CYREN: variants seen among roughly 807,000 people sequenced by gnomAD.
The protein encoded by CYREN is cell cycle regulator of non-homologous end joining.
A neutral mutation model predicts 9.7 loss-of-function variants in CYREN; 7 were observed. That is an observed-to-expected ratio of 0.72 (90% CI 0.41 to 1.36). The LOEUF (loss-of-function observed/expected upper bound fraction) is 1.36. CYREN is among the 40% of genes most tolerant of loss of function. The pLI is 0.01. For synonymous variants in CYREN, 76 were observed against 77.9 expected (o/e 0.98, Z 0.13); for missense variants, 215 against 198.1 (o/e 1.09, Z -0.51).
At chr7:135,134,693 G>A (rs967676613) in intron 2 of CYREN, 1 of 720,702 alleles carries the variant, frequency 1.4e-6, no homozygotes, top group Admixed American at 3.1e-5. Flanking sequence ...CAGAGATGAA[G>A]ACTTCTAAAT....
intron 2 of CYREN, among the ~76,000 whole-genome samples, chr7:135,155,952 C>A (rs1829781683): frequency 6.6e-6 from 1 of 152,118 alleles, no homozygotes; most frequent in Admixed American, 6.5e-5. Context: ...TCAGCATTTG[C>A]TTGTATGGGA....
At chr7:135,102,587 A>G (rs915409877) in intron 2 of CYREN, among the ~76,000 whole-genome samples, 4 of 133,218 alleles carry the variant, frequency 3.0e-5, no homozygotes, top group Non-Finnish European at 6.6e-5. Flanking sequence ...CACCAAGAGT[A>G]CTTTCAGTAT....
At chr7:135,132,150 A>C (rs1484153293) in intron 2 of CYREN, among the ~76,000 whole-genome samples, 2 of 152,216 alleles carry the variant, frequency 1.3e-5, no homozygotes, top group East Asian at 3.8e-4. Flanking sequence ...AGGAGTTCTC[A>C]GTTCATTTTA....
chr7:135,100,921 C>T (rs181987440), intron 2 of CYREN, among the ~76,000 whole-genome samples: 19 of 152,140 alleles, frequency 1.2e-4, no homozygotes, highest in Non-Finnish European at 1.9e-4. Context: ...GGCCATCCTG[C>T]CTACATCATG....
At chr7:135,164,613 G>A, downstream of CYREN, 1 of 1,614,220 alleles carries the variant, frequency 6.2e-7, no homozygotes, top group South Asian at 1.1e-5. Context: ...GTGGAATGAG[G>A]ACACCAGCAC....
At chr7:135,119,717 A>T (rs1290529671) in intron 2 of CYREN, among the ~76,000 whole-genome samples, 1 of 152,090 alleles carries the variant, frequency 6.6e-6, no homozygotes, top group East Asian at 1.9e-4. Flanking sequence ...CTCTACTAAA[A>T]ATACAAAAAA....
intron 2 of CYREN, among the ~76,000 whole-genome samples, chr7:135,144,298 C>T (rs534402294): frequency 6.6e-6 from 1 of 152,166 alleles, no homozygotes. Context: ...CTAGAAGATG[C>T]AAGCCACTGT....
chr7:135,156,201 AT>A (rs1829788941), intron 2 of CYREN, among the ~76,000 whole-genome samples: 1 of 152,194 alleles, frequency 6.6e-6, no homozygotes, highest in Non-Finnish European at 1.5e-5. Flanking sequence ...GACTTCAGAC[AT>A]TTTGAATATG....
chr7:135,099,189 C>CTT (rs1823382481), intron 2 of CYREN, among the ~76,000 whole-genome samples: 2 of 40,544 alleles, frequency 4.9e-5, no homozygotes, highest in Admixed American at 5.4e-4. Flanking sequence ...CCTAGATTGG[C>CTT]TCTAAAAATG....
At chr7:135,128,120 C>T (rs1207334689) in intron 2 of CYREN, among the ~76,000 whole-genome samples, 1 of 151,512 alleles carries the variant, frequency 6.6e-6, no homozygotes, top group East Asian at 1.9e-4. Flanking sequence ...GGTGAAACCC[C>T]GTCTCTACTA....
At chr7:135,153,887 A>AT (rs967461813) in intron 2 of CYREN, among the ~76,000 whole-genome samples, 5 of 152,108 alleles carry the variant, frequency 3.3e-5, no homozygotes, top group African/African-American at 7.2e-5. Context: ...TTTCTCCTTG[A>AT]TTTTTTAATA....
chr7:135,150,612 T>C (rs960571652), intron 2 of CYREN, among the ~76,000 whole-genome samples: 5 of 152,196 alleles, frequency 3.3e-5, no homozygotes, highest in Admixed American at 2.0e-4. Context: ...AAACTAACCA[T>C]TGACAGCCAA....
chr7:135,158,883 C>T (rs978307938), intron 2 of CYREN, among the ~76,000 whole-genome samples: 12 of 152,356 alleles, frequency 7.9e-5, no homozygotes, highest in Middle Eastern at 6.8e-3. Context: ...AAATGGCACC[C>T]TGCTGAGGCT....
At chr7:135,127,602 C>T (rs1349655282) in intron 2 of CYREN, among the ~76,000 whole-genome samples, 6 of 150,058 alleles carry the variant, frequency 4.0e-5, no homozygotes, top group Admixed American at 1.3e-4. Flanking sequence ...ATCAGAGAAA[C>T]GTAAATCAAA....
At chr7:135,113,693 A>G (rs1017810989) in intron 2 of CYREN, among the ~76,000 whole-genome samples, 3 of 152,220 alleles carry the variant, frequency 2.0e-5, no homozygotes, top group African/African-American at 7.2e-5. Context: ...AAAATTTACC[A>G]TCAACTAATT....
chr7:135,119,333 G>A (rs984278420), intron 2 of CYREN, among the ~76,000 whole-genome samples: 2 of 151,850 alleles, frequency 1.3e-5, no homozygotes, highest in Admixed American at 1.3e-4. Context: ...GGGTTCAAGT[G>A]ATTCTCGTGC....
At chr7:135,141,437 C>T (rs1273635614) in intron 2 of CYREN, among the ~76,000 whole-genome samples, 2 of 151,884 alleles carry the variant, frequency 1.3e-5, no homozygotes, top group Non-Finnish European at 2.9e-5. Context: ...TTATTTGGAT[C>T]TTCTCTGTTT....
At chr7:135,124,737 A>T (rs1479690725) in intron 2 of CYREN, among the ~76,000 whole-genome samples, 4 of 152,230 alleles carry the variant, frequency 2.6e-5, no homozygotes, top group African/African-American at 9.6e-5. Flanking sequence ...ACTCAGGATT[A>T]AAAAACTCAC....
rs1327222802 is a variant in CYREN at position 135,094,518 on chromosome 7, T to G, written n.421A>C. 7.4e-5 allele frequency: 34 copies of G among 456,570 alleles called. 1 individual carries two copies. In the Admixed American group the frequency reaches 7.8e-4, roughly 10 times the overall value. The allele number at this position is 456,570 out of a possible 1,614,324, so 28.3% of individuals were successfully genotyped here. On this transcript the variant is annotated non_coding_transcript_exon_variant, in exon 3 of 3. Coordinates refer to the CYREN transcript ENST00000459937. ...ATAGTCTTGTCTGGAGCTTCATTTTTGTGGACTTTATCTTCAGGAATCCCA... is the reference window on the plus strand; with the variant it reads ...ATAGTCTTGTCTGGAGCTTCATTTTGGTGGACTTTATCTTCAGGAATCCCA...
Sources: gnomAD v4.1 joint callset for allele counts (sites outside exome capture counted in the v4.1 genomes callset) on GRCh38, gnomAD v4.1.1 for gene constraint, MANE v1.5 for transcripts, NCBI Gene and HGNC (gene_info 2026-07-23, HGNC 2026-07-21) for gene names.